The following SIK2 variants were observed in gnomAD, a reference collection of about 807,000 sequenced individuals.
SIK2 encodes the protein salt inducible kinase 2, also known as serine/threonine-protein kinase SIK2.
A neutral mutation model predicts 103.2 loss-of-function variants in SIK2; 29 were observed. That is an observed-to-expected ratio of 0.28 (90% CI 0.21 to 0.38). SIK2 has a LOEUF of 0.38. Ranked by LOEUF, SIK2 falls within the 10% of genes least tolerant of loss-of-function variation. The pLI, the probability that SIK2 is intolerant of heterozygous loss-of-function variation, is 1.00. For synonymous variants in SIK2, 412 were observed against 446.1 expected (o/e 0.92, Z 0.96); for missense variants, 879 against 1,171.0 (o/e 0.75, Z 3.64).
intron 3 of SIK2, among the ~76,000 whole-genome samples, chr11:111,685,297 AG>A (rs903443178): frequency 4.6e-5 from 7 of 152,176 alleles, no homozygotes; most frequent in African/African-American, 1.7e-4. Flanking sequence ...TTCCTATGGC[AG>A]GGGGCCGGGT....
At chr11:111,713,470 A>G (rs1943556543) in intron 9 of SIK2, among the ~76,000 whole-genome samples, 1 of 152,296 alleles carries the variant, frequency 6.6e-6, no homozygotes, top group South Asian at 2.1e-4. Context: ...TTATGAGACT[A>G]TTATGAGGAT....
In SIK2 at chr11:111,725,819, C is replaced by CT. The variant is rs1943947187; in HGVS notation, c.*1691dup. The CT allele has an allele frequency of 6.6e-6, 1 of 152,632 alleles. No individual in the cohort carries two copies. Among genetic ancestry groups the CT allele is most frequent in the African/African-American group, 2.4e-5 (1 of 41,466 alleles). The allele number at this position is 152,632 out of a possible 1,614,324, so 9.5% of individuals were successfully genotyped here. A position where few individuals can be genotyped will look rare whatever the true frequency, so the allele number is the denominator to read the frequency against. On this transcript the variant is annotated 3_prime_UTR_variant, in exon 15 of 15. Coordinates refer to ENST00000304987, the MANE Select transcript of SIK2 (RefSeq NM_015191.3). ...AGCAGTCCCTGTTGCTGGCCAGAGA[C>CT]TGCCTGGTCGCCAGCGCTCACCATG... is the stretch of plus-strand genomic sequence containing the variant.
At chr11:111,683,686 A>C (rs909143994) in intron 3 of SIK2, among the ~76,000 whole-genome samples, 2 of 152,080 alleles carry the variant, frequency 1.3e-5, no homozygotes, top group Admixed American at 1.3e-4. Flanking sequence ...TCCTGACCTC[A>C]GGTGATCCGC....
In SIK2 at chr11:111,662,398, A is replaced by G. The variant is rs1337907464; in HGVS notation, c.317-25603A>G. 2.6e-5 allele frequency among the ~76,000 whole-genome samples: 4 copies of G among 152,358 alleles called. No individual in the cohort carries two copies. In the South Asian group the frequency reaches 6.2e-4, roughly 24 times the overall value. On this transcript the variant is annotated intron_variant, in intron 3 of 14. Transcript: ENST00000304987. ...ATCCTAAGCGAGGGAAAAAAACAGTAAAACAGACACATATATAAAATGGCA... is the reference window on the plus strand; with the variant it reads ...ATCCTAAGCGAGGGAAAAAAACAGTGAAACAGACACATATATAAAATGGCA...
intron 3 of SIK2, among the ~76,000 whole-genome samples, chr11:111,669,695 C>T (rs1942599139): frequency 6.6e-6 from 1 of 152,148 alleles, no homozygotes; most frequent in Non-Finnish European, 1.5e-5. Flanking sequence ...GTTGTTACTC[C>T]TTAGCTGTCT....
At chr11:111,703,487 C>T in intron 7 of SIK2, 64 bp downstream of exon 7, 2 of 1,442,536 alleles carry the variant, frequency 1.4e-6, no homozygotes, top group South Asian at 1.2e-5. Flanking sequence ...ATGCTCACAC[C>T]TGTCATCCTG....
At chr11:111,710,945 T>C (rs901785439) in intron 8 of SIK2, among the ~76,000 whole-genome samples, 1 of 152,188 alleles carries the variant, frequency 6.6e-6, no homozygotes. Context: ...CTGCCTTTCA[T>C]AGTCTAGTAT....
intron 1 of SIK2, among the ~76,000 whole-genome samples, chr11:111,614,112 CG>C (rs1189590009): frequency 7.0e-6 from 1 of 143,436 alleles, no homozygotes; most frequent in Non-Finnish European, 1.5e-5. Flanking sequence ...GACAGAGTCT[CG>C]CTCTGTCGCC....
intron 3 of SIK2, among the ~76,000 whole-genome samples, chr11:111,632,301 G>A (rs1463440443): frequency 1.3e-5 from 2 of 152,052 alleles, no homozygotes; most frequent in African/African-American, 4.8e-5. Context: ...CTAATAAGAG[G>A]TACTAAGTAA....
In SIK2 at chr11:111,727,025, T is replaced by G. The variant is rs1286559387; in HGVS notation, c.*2896T>G. On this transcript the variant is annotated 3_prime_UTR_variant, in exon 15 of 15. Transcript: ENST00000304987. ...CAATTCCCAGCTGGGCAAGTGTGTC[T>G]CTAGTATCTCCACGCAACTGATACA... is the stretch of plus-strand genomic sequence containing the variant. 6.2e-7 allele frequency: 1 copy of G among 1,614,068 alleles called. No individual in the cohort carries two copies. The highest frequency in any genetic ancestry group is 2.2e-5 in the East Asian group (1 of 44,900).
At chr11:111,714,856 C>A (rs1291598496) in intron 9 of SIK2, among the ~76,000 whole-genome samples, 6 of 152,170 alleles carry the variant, frequency 3.9e-5, no homozygotes, top group Non-Finnish European at 8.8e-5. Context: ...TCTGTGGTTG[C>A]TACTACAGTC....
At chr11:111,637,877 C>T (rs1942130851) in intron 3 of SIK2, among the ~76,000 whole-genome samples, 1 of 151,988 alleles carries the variant, frequency 6.6e-6, no homozygotes, top group Admixed American at 6.6e-5. Context: ...TCTTTCTTCT[C>T]TGTGATTTGT....
chr11:111,685,339 G>A (rs1045818369), intron 3 of SIK2, among the ~76,000 whole-genome samples: 7 of 152,216 alleles, frequency 4.6e-5, no homozygotes, highest in Admixed American at 1.3e-4. Flanking sequence ...GTGCTGGTCC[G>A]TGACCCAGGG....
intron 3 of SIK2, among the ~76,000 whole-genome samples, chr11:111,653,093 A>G (rs1205301014): frequency 6.6e-6 from 1 of 152,202 alleles, no homozygotes; most frequent in African/African-American, 2.4e-5. Flanking sequence ...TACGGACGCT[A>G]AAGTGTGAGA....
intron 3 of SIK2, among the ~76,000 whole-genome samples, chr11:111,654,783 T>C (rs562995071): frequency 6.6e-6 from 1 of 152,344 alleles, no homozygotes; most frequent in East Asian, 1.9e-4. Context: ...CATGCCCATC[T>C]GTTGTGTCTT....
chr11:111,681,144 A>T (rs915349631), intron 3 of SIK2, among the ~76,000 whole-genome samples: 2 of 152,258 alleles, frequency 1.3e-5, no homozygotes, highest in African/African-American at 4.8e-5. Context: ...GATTATTCTT[A>T]CAAAAATTCT....
At chr11:111,653,308 G>T (rs181918734) in intron 3 of SIK2, among the ~76,000 whole-genome samples, 2 of 152,156 alleles carry the variant, frequency 1.3e-5, no homozygotes, top group Non-Finnish European at 2.9e-5. Flanking sequence ...CTTCAGACTC[G>T]AATTTGATTG....
chr11:111,644,980 A>ACTGTTCAT (rs1942236612), intron 3 of SIK2, among the ~76,000 whole-genome samples: 1 of 152,124 alleles, frequency 6.6e-6, no homozygotes, highest in African/African-American at 2.4e-5. Flanking sequence ...TGTTTCAGTC[A>ACTGTTCAT]CTGTTCATGT....
At chr11:111,721,781 T>C in intron 12 of SIK2, 49 bp from the exon 13 acceptor site, 1 of 1,473,072 alleles carries the variant, frequency 6.8e-7, no homozygotes, top group Non-Finnish European at 9.3e-7. Flanking sequence ...AACTGAGACG[T>C]TTTTCCCCAT....
Sources: gnomAD v4.1 joint callset for allele counts (sites outside exome capture counted in the v4.1 genomes callset) on GRCh38, gnomAD v4.1.1 for gene constraint, MANE v1.5 for transcripts, NCBI Gene and HGNC (gene_info 2026-07-23, HGNC 2026-07-21) for gene names.